SNRNP48: variants seen among roughly 807,000 people sequenced by gnomAD.
SNRNP48 encodes the protein U11/U12 small nuclear ribonucleoprotein 48 kDa protein.
A neutral mutation model predicts 47.0 loss-of-function variants in SNRNP48; 43 were observed. The ratio of observed to expected loss-of-function variants is 0.92; its 90% CI spans 0.72 to 1.18. SNRNP48 has a LOEUF of 1.18. SNRNP48 is among the 50% of genes most tolerant of loss of function. The probability of loss-of-function intolerance (pLI) is 0.00; values close to 1 mark genes in which losing one functional copy is unlikely to be tolerated. For synonymous variants in SNRNP48, 138 were observed against 144.0 expected (o/e 0.96, Z 0.30); for missense variants, 396 against 422.2 (o/e 0.94, Z 0.54).
Position 7,603,032 on chromosome 6 carries a change from C to T in SNRNP48, c.717+288C>T, listed in dbSNP as rs755632483. Among the ~76,000 whole-genome samples, 5 of 152,230 alleles carry T rather than the reference C, an allele frequency of 3.3e-5. No homozygotes were observed. The East Asian group carries it at 9.6e-4, about 29-fold the overall frequency. ...TGAGTTTGGGTTTAGGTAGACCATA[C>T]CTTGACTTTTGATTCTGCTGTTTCT... On this transcript the variant is annotated intron_variant, in intron 6 of 8. Coordinates refer to ENST00000342415, the MANE Select transcript of SNRNP48 (RefSeq NM_152551.4).
At chr6:7,590,832 G>T (rs1193509980) in intron 1 of SNRNP48, among the ~76,000 whole-genome samples, 1 of 152,168 alleles carries the variant, frequency 6.6e-6, no homozygotes, top group Non-Finnish European at 1.5e-5. Context: ...ACAAAAATTA[G>T]CCGGGTGTGG....
chr6:7,601,419 C>A lies in SNRNP48; in HGVS notation c.490C>A (p.Leu164Ile). Residue 164 changes from leucine (L) to isoleucine (I), a missense_variant, in exon 5 of 9, where the codon CTC becomes ATC. Transcript: ENST00000342415. ...CDLTQADRLA[L>I]YDFVVEETKK... is the part of the protein sequence containing the mutation. The stretch of plus-strand genomic sequence containing the variant: ...TCTAACTCAAGCTGATCGTCTTGCC[C>A]TCTATGATTTCGTAGTTGAGGAGAC... 6.2e-7 allele frequency: 1 copy of A among 1,603,812 alleles called. No homozygotes were observed. The highest frequency in any genetic ancestry group is 1.1e-5 in the South Asian group (1 of 88,516).
At chr6:7,606,328 G>A (rs974950532) in intron 8 of SNRNP48, 133 bp downstream of exon 8, 1 of 902,236 alleles carries the variant, frequency 1.1e-6, no homozygotes, top group Non-Finnish European at 1.6e-6. Flanking sequence ...AACAATTGAC[G>A]ATGATTCTTA....
At position 7,590,795 on chromosome 6, in the gene SNRNP48, T is replaced by C. The variant is rs566984875; in HGVS notation, c.156+382T>C. On this transcript the variant is annotated intron_variant, in intron 1 of 8. Coordinates refer to ENST00000342415, the MANE Select transcript of SNRNP48 (RefSeq NM_152551.4). ...GAGTTCCAGACTAGCCTGGGCAACA[T>C]GGTGAAACCTCTTCTCTACCAAAAG... 4.6e-5 allele frequency among the ~76,000 whole-genome samples: 7 copies of C among 152,228 alleles called. No individual in the cohort carries two copies. In the South Asian group the frequency reaches 1.5e-3, roughly 32 times the overall value.
chr6:7,602,828 G>T, intron 6 of SNRNP48, 84 bp downstream of exon 6: 1 of 1,326,064 alleles, frequency 7.5e-7, no homozygotes. Context: ...CAATTCTTTG[G>T]AAATTTTCTG....
chr6:7,604,454 A>G (rs892774830), intron 6 of SNRNP48, among the ~76,000 whole-genome samples: 3 of 152,196 alleles, frequency 2.0e-5, no homozygotes, highest in Non-Finnish European at 2.9e-5. Flanking sequence ...GCTAAGTTCT[A>G]TCTTATGTAG....
rs77700971 is a variant in SNRNP48 at position 7,609,879 on chromosome 6, A to T, written c.*1006A>T. ...TCACGATCAAGATACAAATATTTTC[A>T]TTGCCCCCAAAATTCTCATACCCCC... On this transcript the variant is annotated 3_prime_UTR_variant, in exon 9 of 9. Coordinates refer to ENST00000342415, the MANE Select transcript of SNRNP48 (RefSeq NM_152551.4). 4.6e-5 allele frequency: 7 copies of T among 151,920 alleles called. No individual in the cohort carries two copies. Among genetic ancestry groups the T allele is most frequent in the Admixed American group, 1.3e-4 (2 of 15,250 alleles). 9.4% of individuals were successfully genotyped at this position (151,920 alleles called of 1,614,324 possible). A position where few individuals can be genotyped will look rare whatever the true frequency, so the allele number is the denominator to read the frequency against.
chr6:7,599,900 G>A (rs1478890149), intron 4 of SNRNP48: 1 of 1,005,140 alleles, frequency 9.9e-7, no homozygotes, highest in South Asian at 2.7e-5. Context: ...TTGAAGAAAA[G>A]GCTAAAATAA....
In SNRNP48 at chr6:7,595,016, T is replaced by G. The variant is rs749202302; in HGVS notation, c.332-11T>G. 1.3e-6 allele frequency: 2 copies of G among 1,582,938 alleles called. No individual in the cohort carries two copies. The highest frequency in any genetic ancestry group is 4.5e-5 in the East Asian group (2 of 44,020). On this transcript the variant is annotated splice_polypyrimidine_tract_variant and intron_variant, in intron 3 of 8. Coordinates refer to ENST00000342415, the MANE Select transcript of SNRNP48 (RefSeq NM_152551.4). ...TCATATTGTATTTATGGATTTTTTT[T>G]TTTTTGACAGATAAGGACTCACAAT...
intron 6 of SNRNP48, among the ~76,000 whole-genome samples, chr6:7,604,457 T>C (rs1392388673): frequency 6.6e-6 from 1 of 152,212 alleles, no homozygotes; most frequent in Admixed American, 6.5e-5. Flanking sequence ...AAGTTCTATC[T>C]TATGTAGGAA....
At chr6:7,605,935 G>A in intron 7 of SNRNP48, 96 bp from the exon 8 acceptor site, 1 of 1,265,796 alleles carries the variant, frequency 7.9e-7, no homozygotes, top group Non-Finnish European at 1.1e-6. Context: ...CCATTGGTTT[G>A]ATATAGAATA....
At position 7,600,700 on chromosome 6, in the gene SNRNP48, A is replaced by G. The variant is rs562437520; in HGVS notation, c.407-636A>G. On this transcript the variant is annotated intron_variant, in intron 4 of 8. Transcript: ENST00000342415. ...TTTCAATTAATTTGGTTAAGCCACTATGCTTCCTCCTCAGGAAATTAAAAT... is the reference window on the plus strand; with the variant it reads ...TTTCAATTAATTTGGTTAAGCCACTGTGCTTCCTCCTCAGGAAATTAAAAT... The G allele has an allele frequency of 3.3e-5, 5 of 152,250 alleles. No homozygotes were observed. The East Asian group carries it at 5.8e-4, about 18-fold the overall frequency. 9.4% of individuals were successfully genotyped at this position (152,250 alleles called of 1,614,324 possible).
intron 3 of SNRNP48, 98 bp from the exon 4 acceptor site, chr6:7,594,929 C>G (rs932000069): frequency 4.3e-6 from 4 of 938,594 alleles, no homozygotes; most frequent in Non-Finnish European, 6.4e-6. Flanking sequence ...GAAGGTTTGT[C>G]CACGTGCCCA....
chr6:7,594,065 G>T, intron 2 of SNRNP48, 34 bp from the exon 3 acceptor site: 1 of 1,234,794 alleles, frequency 8.1e-7, no homozygotes, highest in African/African-American at 1.5e-5. Flanking sequence ...TCAATTATCT[G>T]ATACTTAAGA....
At chr6:7,593,899 A>G (rs1411099196) in intron 2 of SNRNP48, 52 bp downstream of exon 2, 1 of 1,318,844 alleles carries the variant, frequency 7.6e-7, no homozygotes, top group East Asian at 2.6e-5. Context: ...CATTTTACAC[A>G]TTAATTCACA....
At chr6:7,590,542 T>A (rs1156557319) in intron 1 of SNRNP48, 129 bp downstream of exon 1, 8 of 1,079,298 alleles carry the variant, frequency 7.4e-6, no homozygotes, top group African/African-American at 3.3e-5. Flanking sequence ...AGAGCCGCGA[T>A]GGGCGCCTGG....
chr6:7,593,831 A>C lies in SNRNP48; in HGVS notation c.254A>C (p.Tyr85Ser). The C allele has an allele frequency of 6.3e-7, 1 of 1,587,260 alleles. No individual in the cohort carries two copies. The change falls in exon 2 of 9, where the codon TAT (tyrosine) becomes TCT (serine). Residue 85 changes from tyrosine (Y) to serine (S), a missense_variant. Transcript: ENST00000342415. ...TCTTGTAGATTGAGGAAAATGGGCT[A>C]TACCAAAGAAGAAGAGGTACCATAT... is the stretch of plus-strand genomic sequence containing the variant. ...MASCRLRKMG[Y>S]TKEEEDEMYN...
intron 6 of SNRNP48, 117 bp from the exon 7 acceptor site, chr6:7,605,281 C>A: frequency 1.3e-6 from 1 of 760,426 alleles, no homozygotes; most frequent in Non-Finnish European, 2.2e-6. Context: ...GTCCCACAGT[C>A]AATTATGTCA....
rs916766012 is a variant in SNRNP48, at chr6:7,609,779, C to T, written c.*906C>T. Reference sequence around the variant, plus strand: ...ATCAACTGAATTGAGGTACTATTTACTTAGATTTATTGCACCCTTTTTACG... The same window carrying T: ...ATCAACTGAATTGAGGTACTATTTATTTAGATTTATTGCACCCTTTTTACG... On this transcript the variant is annotated 3_prime_UTR_variant, in exon 9 of 9. Transcript: ENST00000342415. 4.6e-5 allele frequency: 7 copies of T among 152,054 alleles called. No individual in the cohort carries two copies. Among genetic ancestry groups the T allele is most frequent in the Admixed American group, 1.3e-4 (2 of 15,274 alleles). 9.4% of individuals were successfully genotyped at this position (152,054 alleles called of 1,614,324 possible). A position where few individuals can be genotyped will look rare whatever the true frequency, so the allele number is the denominator to read the frequency against.
Sources: allele counts gnomAD v4.1 joint callset (sites outside exome capture counted in the v4.1 genomes callset), GRCh38; gene constraint gnomAD v4.1.1; transcripts MANE v1.5; gene names NCBI Gene and HGNC (gene_info 2026-07-23, HGNC 2026-07-21).